GPR157: variants seen among roughly 807,000 people sequenced by gnomAD.
GPR157 encodes the protein G protein-coupled receptor 157.
Under a neutral mutation model 23.5 loss-of-function variants are expected in GPR157, and 16 were observed. The ratio of observed to expected loss-of-function variants is 0.68; its 90% CI spans 0.46 to 1.04. The LOEUF (loss-of-function observed/expected upper bound fraction) is 1.04, where lower values mean the gene tolerates loss of function less well. Ranked by LOEUF, GPR157 falls within the 50% of genes least tolerant of loss-of-function variation. The pLI is 0.00. For synonymous variants in GPR157, 200 were observed against 221.5 expected (o/e 0.90, Z 0.86); for missense variants, 440 against 460.7 (o/e 0.96, Z 0.41).
In GPR157 at chr1:9,119,052, G is replaced by A. The variant is rs1369351256; in HGVS notation, c.384-7563C>T. On this transcript the variant is annotated intron_variant, in intron 1 of 3. Transcript: ENST00000377411. ...TGCCTTTTTTTTTTTTTTTTTTTGA[G>A]ATGGAATCTCACTGTGTCTCCCAGG... Among the ~76,000 whole-genome samples the A allele has an allele frequency of 2.3e-4, 30 of 130,046 alleles. No homozygotes were observed. In the Admixed American group the frequency reaches 2.4e-3, roughly 11 times the overall value. 85.3% of individuals were successfully genotyped at this position (130,046 alleles called of 152,430 possible). A position where few individuals can be genotyped will look rare whatever the true frequency, so the allele number is the denominator to read the frequency against.
chr1:9,119,519 G>A (rs905582046), intron 1 of GPR157, among the ~76,000 whole-genome samples: 1 of 152,162 alleles, frequency 6.6e-6, no homozygotes, highest in African/African-American at 2.4e-5. Context: ...CCAAAACTGT[G>A]AGAAAATAAA....
rs114206792 is a variant in GPR157 at position 9,128,930 on chromosome 1, A to G, written c.98T>C (p.Val33Ala). ...GTCGGGCCACAGGGCGTGCGTGGCC[A>G]CCAGCAGGCCCGAGCCGAGCGCGGA... Reference protein sequence around the residue: ...ALSALGSGLLVATHALWPDLR... With the variant: ...ALSALGSGLLAATHALWPDLR... The change falls in exon 1 of 4, where the codon GTG becomes GCG. Residue 33 changes from valine to alanine, a missense_variant. Coordinates refer to ENST00000377411, the MANE Select transcript of GPR157 (RefSeq NM_024980.5). The surrounding 1 kb of genome is among the most constrained non-coding windows in gnomAD (Gnocchi z 6.3). The G allele has an allele frequency of 0.015, 23,129 of 1,534,648 alleles. 288 individuals carry two copies. The highest frequency in any genetic ancestry group is 0.054 in the African/African-American group (3,944 of 72,830).
At chr1:9,122,050 C>T (rs771478918) in intron 1 of GPR157, among the ~76,000 whole-genome samples, 1 of 152,204 alleles carries the variant, frequency 6.6e-6, no homozygotes, top group African/African-American at 2.4e-5. Flanking sequence ...GGTCACCTCA[C>T]CCCTGCTGAC....
rs1186711868 is a variant in GPR157, at chr1:9,104,169, A to G, written c.*250T>C. The G allele has an allele frequency of 2.0e-6, 1 of 496,034 alleles. No homozygotes were observed. Among genetic ancestry groups the G allele is most frequent in the East Asian group, 3.3e-5 (1 of 30,278 alleles). 30.7% of individuals were successfully genotyped at this position (496,034 alleles called of 1,614,324 possible). A position where few individuals can be genotyped will look rare whatever the true frequency, so the allele number is the denominator to read the frequency against. ...GTGGGCCACCGGCTTCCCGAATCTCACTGCTACCCTTATGCAGATGAACGC... is the reference window on the plus strand; with the variant it reads ...GTGGGCCACCGGCTTCCCGAATCTCGCTGCTACCCTTATGCAGATGAACGC... On this transcript the variant is annotated 3_prime_UTR_variant, in exon 4 of 4. Transcript: ENST00000377411.
Position 9,128,210 on chromosome 1 carries a change from G to C in GPR157, c.383+435C>G. 1 of 459,392 alleles carries C rather than the reference G, an allele frequency of 2.2e-6. No individual in the cohort carries two copies. Among genetic ancestry groups the C allele is most frequent in the Non-Finnish European group, 4.3e-6 (1 of 232,002 alleles). The allele number at this position is 459,392 out of a possible 1,614,324, so 28.5% of individuals were successfully genotyped here. On this transcript the variant is annotated intron_variant, in intron 1 of 3. Coordinates refer to ENST00000377411, the MANE Select transcript of GPR157 (RefSeq NM_024980.5). The surrounding 1 kb of genome is among the most constrained non-coding windows in gnomAD (Gnocchi z 6.3). ...GAGTGCACCAAGCTCACTGTGGCTT[G>C]GGGTGGGGTGGTGGCGTGGGACTGG...
Position 9,120,762 on chromosome 1 carries a change from C to T in GPR157, c.383+7883G>A, listed in dbSNP as rs986664671. Reference sequence around the variant, plus strand: ...GGGATGGGCAGCCTGAGTTCTCACACCTCCTGCCAAGTTGCTGGTGCTCAG... The same window carrying T: ...GGGATGGGCAGCCTGAGTTCTCACATCTCCTGCCAAGTTGCTGGTGCTCAG... On this transcript the variant is annotated intron_variant, in intron 1 of 3. Coordinates refer to ENST00000377411, the MANE Select transcript of GPR157 (RefSeq NM_024980.5). The surrounding 1 kb of genome is among the most constrained non-coding windows in gnomAD (Gnocchi z 4.1). 2.0e-5 allele frequency among the ~76,000 whole-genome samples: 3 copies of T among 152,228 alleles called. No homozygotes were observed. The highest frequency in any genetic ancestry group is 2.1e-4 in the South Asian group (1 of 4,834).
In GPR157 at chr1:9,123,676, TA is replaced by T. The variant is rs1470568304; in HGVS notation, c.383+4968del. Reference sequence around the variant, plus strand: ...TATATATTAAATATATATTTAATATTAAATATATATTTAATATATATTTAAT... The same window carrying T: ...TATATATTAAATATATATTTAATATTAATATATATTTAATATATATTTAAT... On this transcript the variant is annotated intron_variant, in intron 1 of 3. Transcript: ENST00000377411. Among the ~76,000 whole-genome samples the T allele has an allele frequency of 7.5e-4, 88 of 117,242 alleles. 4 individuals are homozygous for T. Among genetic ancestry groups the T allele is most frequent in the Non-Finnish European group, 1.0e-3 (63 of 61,586 alleles). 76.9% of individuals were successfully genotyped at this position (117,242 alleles called of 152,430 possible). A position where few individuals can be genotyped will look rare whatever the true frequency, so the allele number is the denominator to read the frequency against.
chr1:9,113,186 G>A (rs1280915433), intron 1 of GPR157, among the ~76,000 whole-genome samples: 2 of 152,204 alleles, frequency 1.3e-5, no homozygotes, highest in African/African-American at 2.4e-5. Context: ...GGCCTGTGGT[G>A]CAGACACTGG....
chr1:9,128,703 CG>C lies in GPR157; in HGVS notation c.324del (p.Ile108MetfsTer35). The C allele has an allele frequency of 1.2e-6, 2 of 1,613,222 alleles. No individual in the cohort carries two copies. Among genetic ancestry groups the C allele is most frequent in the Non-Finnish European group, 1.7e-6 (2 of 1,179,892 alleles). The part of the protein sequence containing the change: ...VAIALYLYLS[I>X]VRAARGPRTD... ...GTGCGAGGCCCGCGCGCGGCGCGGA[CG>C]ATGCTGAGGTACAAGTAGAGCGCAA... On this transcript the variant is annotated frameshift_variant, in exon 1 of 4. Coordinates refer to ENST00000377411, the MANE Select transcript of GPR157 (RefSeq NM_024980.5). LOFTEE classifies it high-confidence loss of function. The surrounding 1 kb of genome is among the most constrained non-coding windows in gnomAD (Gnocchi z 6.3).
At chr1:9,122,089 C>T (rs1031507138) in intron 1 of GPR157, among the ~76,000 whole-genome samples, 6 of 152,168 alleles carry the variant, frequency 3.9e-5, no homozygotes, top group Non-Finnish European at 8.8e-5. Flanking sequence ...TGGCGCCCAC[C>T]ACCGTGAGGG....
At position 9,104,448 on chromosome 1, in the gene GPR157, CT is replaced by C. The variant is rs765715046; in HGVS notation, c.978del (p.Thr328ProfsTer136). 1 of 1,613,942 alleles carries C rather than the reference CT, an allele frequency of 6.2e-7. No homozygotes were observed. Among genetic ancestry groups the C allele is most frequent in the Admixed American group, 1.7e-5 (1 of 59,998 alleles). Reference protein sequence around the residue: ...PSKPGESQESQGTPGELPST With the variant: ...PSKPGESQESXGTPGELPST ...GTGCTTGGAAGTTCCCCTGGGGTCCCTTGGGATTCCTGAGATTCTCCTGGCT... is the reference window on the plus strand; with the variant it reads ...GTGCTTGGAAGTTCCCCTGGGGTCCCTGGGATTCCTGAGATTCTCCTGGCT... On this transcript the variant is annotated frameshift_variant, in exon 4 of 4. Transcript: ENST00000377411. LOFTEE classifies it high-confidence loss of function.
rs1454712454 is a variant in GPR157, at chr1:9,120,375, T to C, written c.383+8270A>G. Among the ~76,000 whole-genome samples the C allele has an allele frequency of 6.6e-6, 1 of 152,124 alleles. No individual in the cohort carries two copies. Among genetic ancestry groups the C allele is most frequent in the East Asian group, 1.9e-4 (1 of 5,194 alleles). ...GGCCAAACACAATGCCTGGTGTAGG[T>C]ACCATGAGACCTGGGGATGTTAACA... On this transcript the variant is annotated intron_variant, in intron 1 of 3. Coordinates refer to ENST00000377411, the MANE Select transcript of GPR157 (RefSeq NM_024980.5). This position sits in a 1 kb window ranked among gnomAD's most constrained non-coding sequence, Gnocchi z 4.1.
Position 9,128,582 on chromosome 1 carries a change from C to T in GPR157, c.383+63G>A. On this transcript the variant is annotated intron_variant, in intron 1 of 3. Coordinates refer to ENST00000377411, the MANE Select transcript of GPR157 (RefSeq NM_024980.5). This position sits in a 1 kb window ranked among gnomAD's most constrained non-coding sequence, Gnocchi z 6.3. ...AACCTAGACGCGGCCTCTGGGAGGG[C>T]AAGACCGGGAGGGGTCGGCCTGTGT... is the stretch of plus-strand genomic sequence containing the variant. 6.6e-7 allele frequency: 1 copy of T among 1,518,448 alleles called. No individual in the cohort carries two copies. The highest frequency in any genetic ancestry group is 9.1e-7 in the Non-Finnish European group (1 of 1,102,668). The allele number at this position is 1,518,448 out of a possible 1,614,324, so 94.1% of individuals were successfully genotyped here.
intron 1 of GPR157, among the ~76,000 whole-genome samples, chr1:9,117,090 C>T (rs563019380): frequency 2.2e-4 from 33 of 152,180 alleles, no homozygotes; most frequent in African/African-American, 4.8e-4. Context: ...GTGATCCTCC[C>T]GTCTCAGCCT....
At chr1:9,108,080 C>T (rs535426626) in intron 2 of GPR157, among the ~76,000 whole-genome samples, 8 of 152,246 alleles carry the variant, frequency 5.3e-5, no homozygotes, top group South Asian at 2.1e-4. Flanking sequence ...CACAGTGAGA[C>T]GCTGCCTCTA....
chr1:9,126,949 A>G (rs1638974825), intron 1 of GPR157, among the ~76,000 whole-genome samples: 1 of 150,540 alleles, frequency 6.6e-6, no homozygotes, highest in Admixed American at 6.7e-5. Flanking sequence ...CTCTGTCTGC[A>G]ATCATAGCTC....
At chr1:9,123,535 T>TAAAATATATCTAATATAAATATATATTTA (rs200648536) in intron 1 of GPR157, among the ~76,000 whole-genome samples, 1 of 93,930 alleles carries the variant, frequency 1.1e-5, no homozygotes, top group Non-Finnish European at 1.8e-5. Context: ...AATATATATT[T>TAAAATATATCTAATATAAATATATATTTA]AAATATATCT....
intron 2 of GPR157, among the ~76,000 whole-genome samples, chr1:9,108,568 AAG>A (rs1234418780): frequency 4.6e-5 from 7 of 152,218 alleles, no homozygotes; most frequent in Admixed American, 1.3e-4. Context: ...AGTGGAAAAG[AAG>A]AGGAGGTGAG....
chr1:9,124,082 A>T (rs1638914882), intron 1 of GPR157, among the ~76,000 whole-genome samples: 1 of 152,020 alleles, frequency 6.6e-6, no homozygotes, highest in African/African-American at 2.4e-5. Flanking sequence ...CATCCACCTC[A>T]GCCTCCCAAA....
Sources: allele counts gnomAD v4.1 joint callset (sites outside exome capture counted in the v4.1 genomes callset), GRCh38; gene constraint gnomAD v4.1.1; non-coding constraint Gnocchi (gnomAD v3.1); transcripts MANE v1.5; gene names NCBI Gene and HGNC (gene_info 2026-07-23, HGNC 2026-07-21).